CDH12: variants seen among roughly 807,000 people sequenced by gnomAD.
The protein encoded by CDH12 is cadherin-12.
Under a neutral mutation model 74.1 loss-of-function variants are expected in CDH12, and 41 were observed. The ratio of observed to expected loss-of-function variants is 0.55; its 90% CI spans 0.43 to 0.72. The LOEUF is 0.72. Among genes scored for constraint, CDH12 ranks in the 30% least tolerant of loss-of-function variants. CDH12 has a pLI of 0.00. For missense variants in CDH12, 945 were observed against 977.2 expected, an observed-to-expected ratio of 0.97 and a Z score of 0.44; for synonymous variants, 399 against 355.0, an observed-to-expected ratio of 1.12 and a Z score of -1.39.
At chr5:21,897,188 A>G (rs1753163292) in intron 6 of CDH12, among the ~76,000 whole-genome samples, 1 of 152,212 alleles carries the variant, frequency 6.6e-6, no homozygotes, top group Non-Finnish European at 1.5e-5. Context: ...CAAAGACCCT[A>G]TGCCTAACAT....
intron 1 of CDH12, among the ~76,000 whole-genome samples, chr5:22,691,865 A>T (rs1007242212): frequency 1.3e-5 from 2 of 152,242 alleles, no homozygotes; most frequent in African/African-American, 4.8e-5. Context: ...AAGAACAGAA[A>T]AAAAGAAGGA....
chr5:21,858,932 A>T (rs1750889468), intron 6 of CDH12, among the ~76,000 whole-genome samples: 1 of 151,916 alleles, frequency 6.6e-6, no homozygotes, highest in Non-Finnish European at 1.5e-5. Context: ...GACTAAACTG[A>T]GCTAATTAAC....
At chr5:22,739,222 G>A (rs1430839988) in intron 1 of CDH12, among the ~76,000 whole-genome samples, 1 of 151,692 alleles carries the variant, frequency 6.6e-6, no homozygotes, top group East Asian at 1.9e-4. Context: ...GTGTAAAAAG[G>A]AAAGAAATCA....
intron 4 of CDH12, among the ~76,000 whole-genome samples, chr5:22,192,135 T>G (rs905129037): frequency 1.3e-5 from 2 of 151,922 alleles, no homozygotes; most frequent in Non-Finnish European, 2.9e-5. Flanking sequence ...GGCTTCACCA[T>G]GTTGGCCAGG....
chr5:22,602,462 G>C (rs988009564), intron 1 of CDH12, among the ~76,000 whole-genome samples: 2 of 152,182 alleles, frequency 1.3e-5, no homozygotes, highest in African/African-American at 4.8e-5. Context: ...AAGCTTGCTT[G>C]TTGTTTTATC....
intron 1 of CDH12, among the ~76,000 whole-genome samples, chr5:22,692,109 C>A (rs999005239): frequency 1.3e-5 from 2 of 152,030 alleles, no homozygotes; most frequent in African/African-American, 4.8e-5. Context: ...GCAGTAGTAG[C>A]GGTGGTAATG....
intron 3 of CDH12, among the ~76,000 whole-genome samples, chr5:22,312,641 G>A (rs539399011): frequency 6.6e-6 from 1 of 152,190 alleles, no homozygotes; most frequent in East Asian, 1.9e-4. Context: ...AAAGTTAAAA[G>A]AAAAAAGTTG....
At chr5:21,794,140 A>T (rs1437215189) in intron 10 of CDH12, among the ~76,000 whole-genome samples, 1 of 151,542 alleles carries the variant, frequency 6.6e-6, no homozygotes, top group Non-Finnish European at 1.5e-5. Flanking sequence ...GTGTAAATAT[A>T]ATGTCTTTTT....
At chr5:22,735,371 A>G (rs1019550297) in intron 1 of CDH12, among the ~76,000 whole-genome samples, 1 of 151,962 alleles carries the variant, frequency 6.6e-6, no homozygotes, top group Admixed American at 6.6e-5. Context: ...TTTATGAAAT[A>G]CACACACATA....
chr5:22,354,564 C>T (rs540255511), intron 3 of CDH12, among the ~76,000 whole-genome samples: 1 of 152,212 alleles, frequency 6.6e-6, no homozygotes, highest in East Asian at 1.9e-4. Flanking sequence ...CGCCTGGATG[C>T]CAACATTTAA....
chr5:22,581,458 A>C (rs1021626340), intron 1 of CDH12, among the ~76,000 whole-genome samples: 2 of 152,112 alleles, frequency 1.3e-5, no homozygotes, highest in African/African-American at 4.8e-5. Context: ...AGGTTTCCAT[A>C]CATCCTCTGA....
intron 6 of CDH12, among the ~76,000 whole-genome samples, chr5:21,873,353 A>G (rs143594291): frequency 1.3e-5 from 2 of 152,186 alleles, no homozygotes; most frequent in South Asian, 2.1e-4. Flanking sequence ...AACCTACTTA[A>G]AGCCAACAAA....
At chr5:21,944,059 C>A (rs1755459739) in intron 6 of CDH12, among the ~76,000 whole-genome samples, 1 of 152,138 alleles carries the variant, frequency 6.6e-6, no homozygotes, top group African/African-American at 2.4e-5. Flanking sequence ...TATTCACAAT[C>A]TCAGAATCAG....
rs555986982 is a variant in CDH12 at position 22,308,082 on chromosome 5, A to G, written c.-332-95439T>C. 1.6e-3 allele frequency among the ~76,000 whole-genome samples: 250 copies of G among 151,806 alleles called. 2 individuals are homozygous for G. The highest frequency in any genetic ancestry group is 5.4e-3 in the African/African-American group (222 of 41,406). ...TTTTTAGTAGAAACGGGGTTTCACC[A>G]CGTTAGCCAGGATGGTCTTGATCTC... On this transcript the variant is annotated intron_variant, in intron 3 of 14. Transcript: ENST00000382254.
chr5:22,326,121 C>A (rs984207079), intron 3 of CDH12, among the ~76,000 whole-genome samples: 1 of 152,240 alleles, frequency 6.6e-6, no homozygotes, highest in African/African-American at 2.4e-5. Context: ...AATAGCTTTT[C>A]CCCCGTTCTC....
At chr5:22,396,238 G>A (rs1742452515) in intron 3 of CDH12, among the ~76,000 whole-genome samples, 1 of 152,024 alleles carries the variant, frequency 6.6e-6, no homozygotes, top group Non-Finnish European at 1.5e-5. Flanking sequence ...AGTGTACAAT[G>A]AGAAAATGAG....
chr5:21,873,454 A>G (rs1274688119), intron 6 of CDH12, among the ~76,000 whole-genome samples: 1 of 152,176 alleles, frequency 6.6e-6, no homozygotes, highest in East Asian at 1.9e-4. Context: ...TGCTATTGCC[A>G]TTTAACACCT....
At chr5:22,291,163 C>T (rs1337157714) in intron 3 of CDH12, among the ~76,000 whole-genome samples, 1 of 152,036 alleles carries the variant, frequency 6.6e-6, no homozygotes, top group Non-Finnish European at 1.5e-5. Context: ...TGACAAAATT[C>T]AACATCCTTT....
At chr5:21,765,606 A>G (rs747269681) in intron 11 of CDH12, among the ~76,000 whole-genome samples, 1 of 151,984 alleles carries the variant, frequency 6.6e-6, no homozygotes, top group Non-Finnish European at 1.5e-5. Flanking sequence ...AAACTTAAGG[A>G]AGTAGAACTA....
Sources: allele counts gnomAD v4.1 joint callset (sites outside exome capture counted in the v4.1 genomes callset), GRCh38; gene constraint gnomAD v4.1.1; transcripts MANE v1.5; gene names NCBI Gene and HGNC (gene_info 2026-07-23, HGNC 2026-07-21).